Variants in NOX5 observed in about 807,000 individuals in gnomAD.
The protein encoded by NOX5 is NADPH oxidase 5.
A neutral mutation model predicts 85.7 loss-of-function variants in NOX5; 76 were observed. The ratio of observed to expected loss-of-function variants is 0.89; its 90% CI spans 0.74 to 1.07. The LOEUF (loss-of-function observed/expected upper bound fraction) is 1.07. NOX5 is among the 50% of genes least tolerant of loss of function. The probability of loss-of-function intolerance (pLI) is 0.00; values close to 1 mark genes in which losing one functional copy is unlikely to be tolerated. For synonymous variants in NOX5, 405 were observed against 401.4 expected, an observed-to-expected ratio of 1.01 and a Z score of -0.11; for missense variants, 973 against 999.5, an observed-to-expected ratio of 0.97 and a Z score of 0.36.
chr15:69,029,473 T>C lies in NOX5; in HGVS notation c.325+1108T>C, dbSNP rs1223681309. 5 of 152,206 alleles carry C rather than the reference T, an allele frequency of 3.3e-5. No individual in the cohort carries two copies. The East Asian group carries it at 5.8e-4, about 18-fold the overall frequency. The allele number at this position is 152,206 out of a possible 1,614,324, so 9.4% of individuals were successfully genotyped here. On this transcript the variant is annotated intron_variant, in intron 3 of 15. Transcript: ENST00000388866. ...TGCTATGAACATTGGTGCACAGATA[T>C]CTGTTTGAGTTCCTGCTTTCAATTC...
intron 7 of NOX5, 115 bp downstream of exon 7, chr15:69,036,051 A>C (rs1350083447): frequency 1.4e-6 from 2 of 1,393,072 alleles, no homozygotes; most frequent in Non-Finnish European, 1.9e-6. Context: ...TGGTCTGCAT[A>C]TTATTTGCAT....
chr15:69,050,578 G>A (rs1209516206), intron 14 of NOX5, among the ~76,000 whole-genome samples: 1 of 152,084 alleles, frequency 6.6e-6, no homozygotes, highest in African/African-American at 2.4e-5. Flanking sequence ...TTAGTAGAGA[G>A]GGGTTTTACC....
Position 69,028,209 on chromosome 15 carries a change from C to T in NOX5, c.175-6C>T. On this transcript the variant is annotated splice_region_variant and splice_polypyrimidine_tract_variant and intron_variant, in intron 2 of 15. Transcript: ENST00000388866. ...TTGTGCTGTCTTCCACCCTTCTCGC[C>T]CACAGTCCTTCTTTGCAGAGCGATT... The T allele has an allele frequency of 6.3e-7, 1 of 1,593,546 alleles. No individual in the cohort carries two copies. The highest frequency in any genetic ancestry group is 1.1e-5 in the South Asian group (1 of 87,466).
intron 14 of NOX5, among the ~76,000 whole-genome samples, chr15:69,054,569 G>GC (rs1487756734): frequency 6.6e-6 from 1 of 152,164 alleles, no homozygotes; most frequent in Non-Finnish European, 1.5e-5. Flanking sequence ...ACCACACCTT[G>GC]CCCCGCAAAC....
chr15:69,047,162 C>A, intron 11 of NOX5: 1 of 576,896 alleles, frequency 1.7e-6, no homozygotes, highest in Non-Finnish European at 3.0e-6. Flanking sequence ...GGCACACACC[C>A]CAGGGATGCG....
At position 69,028,292 on chromosome 15, in the gene NOX5, G is replaced by C; in HGVS notation, c.252G>C (p.Glu84Asp). The C allele has an allele frequency of 6.2e-7, 1 of 1,613,682 alleles. No individual in the cohort carries two copies. The highest frequency in any genetic ancestry group is 8.5e-7 in the Non-Finnish European group (1 of 1,179,766). The change falls in exon 3 of 16, where the codon GAG becomes GAC. Residue 84 changes from glutamate to aspartate, a missense_variant. Transcript: ENST00000388866. ...CCATCACCCTCCAGGAGCTGCAGGA[G>C]GCACTGACCCTGCTCATCCATGGCA... ...SGTITLQELQ[E>D]ALTLLIHGSP...
chr15:69,016,184 A>G (rs2050230235), intron 1 of NOX5, among the ~76,000 whole-genome samples: 1 of 151,972 alleles, frequency 6.6e-6, no homozygotes, highest in Non-Finnish European at 1.5e-5. Context: ...GGCACACTGG[A>G]GGGCCTGGAG....
Position 69,018,135 on chromosome 15 carries a change from G to A in NOX5, c.50+3350G>A, listed in dbSNP as rs543880870. 2.6e-5 allele frequency among the ~76,000 whole-genome samples: 4 copies of A among 152,016 alleles called. 1 individual carries two copies. The South Asian group carries it at 8.3e-4, about 32-fold the overall frequency. On this transcript the variant is annotated intron_variant, in intron 1 of 15. Transcript: ENST00000388866. ...GCACTCATGGAGCCCCAGAGGCGCCGGTTGCTCAGGCATCCTAGGGAAACT... is the reference window on the plus strand; with the variant it reads ...GCACTCATGGAGCCCCAGAGGCGCCAGTTGCTCAGGCATCCTAGGGAAACT...
chr15:69,030,626 T>G (rs555908079), intron 3 of NOX5: 1 of 152,224 alleles, frequency 6.6e-6, no homozygotes, highest in Non-Finnish European at 1.5e-5. Context: ...GGCTGTTGAC[T>G]AGGAAAGCAG....
Position 69,047,504 on chromosome 15 carries a change from C to A in NOX5, c.1784C>A (p.Pro595His). Reference sequence around the variant, plus strand: ...ATCGGGGCAGGCATCGGCATCACCCCCTTTGCTTCCATTCTGCAGAGTATC... The same window carrying A: ...ATCGGGGCAGGCATCGGCATCACCCACTTTGCTTCCATTCTGCAGAGTATC... Reference protein sequence around the residue: ...VLIGAGIGITPFASILQSIMY... With the variant: ...VLIGAGIGITHFASILQSIMY... The change falls in exon 12 of 16, where the codon CCC becomes CAC. Residue 595 changes from proline (P) to histidine (H), a missense_variant. Pro to His is a moderately conservative substitution (Grantham distance 77, BLOSUM62 -2). Coordinates refer to ENST00000388866, the MANE Select transcript of NOX5 (RefSeq NM_024505.4). 2.5e-6 allele frequency: 4 copies of A among 1,614,042 alleles called. No homozygotes were observed. Among genetic ancestry groups the A allele is most frequent in the Non-Finnish European group, 3.4e-6 (4 of 1,179,988 alleles).
At position 69,056,967 on chromosome 15, in the gene NOX5, G is replaced by A. The variant is rs1043653488; in HGVS notation, c.*271G>A. On this transcript the variant is annotated 3_prime_UTR_variant, in exon 16 of 16. Transcript: ENST00000388866. The stretch of plus-strand genomic sequence containing the variant: ...AGGGAACCAGAGGCTGGTCACGGGA[G>A]CTTGGGGGTGGGGTTCGAGGGGGCA... 1.0e-5 allele frequency: 3 copies of A among 293,914 alleles called. No individual in the cohort carries two copies. Among genetic ancestry groups the A allele is most frequent in the African/African-American group, 2.1e-5 (1 of 46,640 alleles). 18.2% of individuals were successfully genotyped at this position (293,914 alleles called of 1,614,324 possible).
intron 9 of NOX5, among the ~76,000 whole-genome samples, chr15:69,040,824 C>T (rs538597827): frequency 6.0e-4 from 91 of 152,046 alleles, no homozygotes; most frequent in African/African-American, 2.0e-3. Flanking sequence ...ATTACAGGCA[C>T]GTGCCACCAT....
At chr15:69,034,958 G>T (rs1199384060) in intron 5 of NOX5, among the ~76,000 whole-genome samples, 1 of 151,988 alleles carries the variant, frequency 6.6e-6, no homozygotes, top group Non-Finnish European at 1.5e-5. Flanking sequence ...AGAGACAGGG[G>T]TCTCGCTGTG....
intron 14 of NOX5, among the ~76,000 whole-genome samples, chr15:69,054,021 G>C (rs1423130974): frequency 1.3e-5 from 2 of 152,172 alleles, no homozygotes; most frequent in South Asian, 4.1e-4. Flanking sequence ...ATAGAGAGCA[G>C]GTTGGAATGG....
chr15:69,045,360 A>T (rs1478265016), intron 10 of NOX5, among the ~76,000 whole-genome samples: 3 of 152,230 alleles, frequency 2.0e-5, no homozygotes, highest in Non-Finnish European at 2.9e-5. Flanking sequence ...GCTGCACAGG[A>T]TAGCTCTGAA....
chr15:69,056,325 TG>T (rs1436488695), intron 15 of NOX5, among the ~76,000 whole-genome samples: 2 of 152,184 alleles, frequency 1.3e-5, no homozygotes, highest in Admixed American at 1.3e-4. Context: ...TTTCTGGCCC[TG>T]GTCCTCTACC....
rs1419165883 is a variant in NOX5 at position 69,059,204 on chromosome 15, G to A, written c.*2508G>A. ...ATCCGTGAATGCCCACATGTGTGAC[G>A]ACCATATGCCCGTGTCCTGAGGTTT... On this transcript the variant is annotated 3_prime_UTR_variant, in exon 16 of 16. Coordinates refer to ENST00000388866, the MANE Select transcript of NOX5 (RefSeq NM_024505.4). 3 of 152,198 alleles carry A rather than the reference G, an allele frequency of 2.0e-5. No homozygotes were observed. Among genetic ancestry groups the A allele is most frequent in the South Asian group, 2.1e-4 (1 of 4,830 alleles). 9.4% of individuals were successfully genotyped at this position (152,198 alleles called of 1,614,324 possible).
At chr15:69,016,697 G>A (rs1036020905) in intron 1 of NOX5, among the ~76,000 whole-genome samples, 3 of 152,122 alleles carry the variant, frequency 2.0e-5, no homozygotes, top group Admixed American at 6.6e-5. Context: ...TCACAACTCT[G>A]CAAGGTGAGC....
At position 69,031,580 on chromosome 15, in the gene NOX5, G is replaced by T. The variant is rs1157654959; in HGVS notation, c.388G>T (p.Ala130Ser). The change falls in exon 4 of 16, where the codon GCT (alanine) becomes TCT (serine). Residue 130 changes from alanine (A) to serine (S), a missense_variant. Ala to Ser is a moderately conservative substitution (Grantham distance 99, BLOSUM62 1). Coordinates refer to ENST00000388866, the MANE Select transcript of NOX5 (RefSeq NM_024505.4). ...GGGTGCTGGGGCAGGCCCGCACTGG[G>T]CTTCATCCCCACTCGGGACAGGCAG... ...EWGAGAGPHWASSPLGTGSGS... is the reference protein window; with the variant it reads ...EWGAGAGPHWSSSPLGTGSGS... The T allele has an allele frequency of 6.2e-7, 1 of 1,612,836 alleles. No homozygotes were observed. The highest frequency in any genetic ancestry group is 8.5e-7 in the Non-Finnish European group (1 of 1,180,040).
Sources: allele counts gnomAD v4.1 joint callset (sites outside exome capture counted in the v4.1 genomes callset), GRCh38; gene constraint gnomAD v4.1.1; transcripts MANE v1.5; gene names NCBI Gene and HGNC (gene_info 2026-07-23, HGNC 2026-07-21).